The following SULT2B1 variants were observed in gnomAD, a reference collection of about 807,000 sequenced individuals.
The protein encoded by SULT2B1 is sulfotransferase 2B1.
SULT2B1 carries 16 observed loss-of-function variants against 33.2 expected under a neutral mutation model. That is an observed-to-expected ratio of 0.48 (90% confidence interval 0.33 to 0.73). SULT2B1 has a LOEUF of 0.73. Among genes scored for constraint, SULT2B1 ranks in the 30% least tolerant of loss-of-function variants. The probability of loss-of-function intolerance (pLI) is 0.02; values close to 1 mark genes in which losing one functional copy is unlikely to be tolerated. For synonymous variants in SULT2B1, 186 were observed against 200.5 expected, an observed-to-expected ratio of 0.93 and a Z score of 0.61; for missense variants, 500 against 506.0, an observed-to-expected ratio of 0.99 and a Z score of 0.11.
intron 3 of SULT2B1, among the ~76,000 whole-genome samples, chr19:48,590,330 G>A (rs1435581117): frequency 1.3e-5 from 2 of 152,118 alleles, no homozygotes; most frequent in African/African-American, 4.8e-5. Flanking sequence ...GGCTGGGCAT[G>A]GTGGCTCATG....
chr19:48,562,939 C>T (rs1351971302), intron 1 of SULT2B1, among the ~76,000 whole-genome samples: 1 of 152,096 alleles, frequency 6.6e-6, no homozygotes, highest in Admixed American at 6.6e-5. Flanking sequence ...CTTGGCCTCC[C>T]AAAGTGCTGG....
At chr19:48,591,872 A>G (rs1276765969) in intron 4 of SULT2B1, 137 bp downstream of exon 4, 1 of 1,025,016 alleles carries the variant, frequency 9.8e-7, no homozygotes, top group South Asian at 1.8e-5. Context: ...AGAGACAGAG[A>G]GCAGGTGGCC....
At chr19:48,555,225 G>A (rs1302322130) in intron 1 of SULT2B1, among the ~76,000 whole-genome samples, 2 of 152,032 alleles carry the variant, frequency 1.3e-5, no homozygotes, top group East Asian at 3.9e-4. Flanking sequence ...CCAAGTAGCT[G>A]GGATTACAGG....
At chr19:48,563,959 CA>C (rs35211958) in intron 1 of SULT2B1, among the ~76,000 whole-genome samples, 47,062 of 117,132 alleles carry the variant, frequency 0.4, 7,792 homozygotes, top group Middle Eastern at 0.52. Flanking sequence ...GACTTCCTCT[CA>C]AAAAAAAAAA....
chr19:48,580,903 G>T (rs778012884), intron 2 of SULT2B1, among the ~76,000 whole-genome samples: 9 of 147,906 alleles, frequency 6.1e-5, no homozygotes, highest in Non-Finnish European at 9.0e-5. Context: ...TGCCTGGCCA[G>T]TTTTTTTCTA....
chr19:48,573,111 C>T (rs1482381226), intron 1 of SULT2B1, among the ~76,000 whole-genome samples: 3 of 148,626 alleles, frequency 2.0e-5, no homozygotes, highest in Admixed American at 6.8e-5. Flanking sequence ...GAGCCGAGAT[C>T]GTGTCACTGT....
chr19:48,565,335 G>GGT (rs1235852787), intron 1 of SULT2B1, among the ~76,000 whole-genome samples: 3 of 150,936 alleles, frequency 2.0e-5, no homozygotes, highest in East Asian at 2.0e-4. Flanking sequence ...TTTATGGGGG[G>GGT]GTGTGTGTGT....
intron 1 of SULT2B1, among the ~76,000 whole-genome samples, chr19:48,570,324 C>T (rs554525923): frequency 1.5e-4 from 23 of 152,066 alleles, no homozygotes; most frequent in Admixed American, 7.9e-4. Context: ...GGATTACAGG[C>T]GTGCACCACC....
At position 48,576,062 on chromosome 19, in the gene SULT2B1, A is replaced by G; in HGVS notation, c.193A>G (p.Ile65Val). Residue 65 changes from isoleucine (I) to valine (V), a missense_variant, in exon 2 of 7, where the codon ATC becomes GTC. Ile to Val is a conservative substitution (Grantham distance 29). Coordinates refer to ENST00000201586, the MANE Select transcript of SULT2B1 (RefSeq NM_177973.2). ...AGATGTGCGGGACGACGACATCTTT[A>G]TCATCACCTACCCCAAGTCAGGTAC... ...TQDVRDDDIF[I>V]ITYPKSGTTW... The G allele has an allele frequency of 6.2e-7, 1 of 1,612,540 alleles. No individual in the cohort carries two copies. The highest frequency in any genetic ancestry group is 1.1e-5 in the South Asian group (1 of 91,052).
rs747240346 is a variant in SULT2B1 at position 48,592,786 on chromosome 19, C to T, written c.615C>T (p.Phe205=). 6.3e-7 allele frequency: 1 copy of T among 1,588,420 alleles called. No homozygotes were observed. The highest frequency in any genetic ancestry group is 1.1e-5 in the South Asian group (1 of 87,190). Residue 205 remains phenylalanine, a synonymous_variant, in exon 5 of 7, where the codon TTC becomes TTT. Transcript: ENST00000201586. ...GWLRMKGKDN[F]LFITYEELQQ... Reference sequence around the variant, plus strand: ...TTCGGATGAAGGGCAAAGACAACTTCCTATTTATCACCTACGAGGAGCTGC... The same window carrying T: ...TTCGGATGAAGGGCAAAGACAACTTTCTATTTATCACCTACGAGGAGCTGC...
chr19:48,557,987 G>A (rs148938170), intron 1 of SULT2B1, among the ~76,000 whole-genome samples: 3 of 152,076 alleles, frequency 2.0e-5, no homozygotes, highest in Non-Finnish European at 4.4e-5. Flanking sequence ...TGGCACAGGC[G>A]GTAGGCAGGA....
intron 1 of SULT2B1, among the ~76,000 whole-genome samples, chr19:48,570,969 C>A (rs540174698): frequency 4.0e-4 from 60 of 151,896 alleles, no homozygotes; most frequent in Non-Finnish European, 7.1e-4. Context: ...GGTGATCCGC[C>A]CACCTCAGCC....
intron 2 of SULT2B1, among the ~76,000 whole-genome samples, chr19:48,576,523 G>A (rs1973413388): frequency 6.7e-6 from 1 of 149,898 alleles, no homozygotes; most frequent in South Asian, 2.1e-4. Flanking sequence ...TTCGAGACAA[G>A]GTCTTGCTCT....
chr19:48,557,092 T>A (rs1479967768), intron 1 of SULT2B1, among the ~76,000 whole-genome samples: 2 of 150,938 alleles, frequency 1.3e-5, no homozygotes, highest in African/African-American at 2.4e-5. Flanking sequence ...TCTAAAAAAA[T>A]AAAATAAAAA....
At chr19:48,590,590 A>G (rs111654006) in intron 3 of SULT2B1, among the ~76,000 whole-genome samples, 2,899 of 152,176 alleles carry the variant, frequency 0.019, 104 homozygotes, top group African/African-American at 0.066. Flanking sequence ...AGACACAGCG[A>G]GACTTCGTCT....
In SULT2B1 at chr19:48,552,181, C is replaced by T. The variant is rs1485630896; in HGVS notation, c.-72C>T. 6.5e-5 allele frequency: 96 copies of T among 1,484,622 alleles called. No homozygotes were observed. Among genetic ancestry groups the T allele is most frequent in the Non-Finnish European group, 8.2e-5 (88 of 1,074,050 alleles). 92.0% of individuals were successfully genotyped at this position (1,484,622 alleles called of 1,614,324 possible). ...GGGCTCCCCAGGTGGCAGACGCTGT[C>T]GCTGCGCACACCTGGCCTCTGTGCC... On this transcript the variant is annotated 5_prime_UTR_variant, in exon 1 of 7. Transcript: ENST00000201586. This position sits in a 1 kb window ranked among gnomAD's most constrained non-coding sequence, Gnocchi z 4.8.
chr19:48,558,308 G>A (rs551502797), intron 1 of SULT2B1, among the ~76,000 whole-genome samples: 194 of 151,216 alleles, frequency 1.3e-3, no homozygotes, highest in Middle Eastern at 6.8e-3. Context: ...CGAGATCCGG[G>A]AGGGAGACTC....
chr19:48,592,517 C>A (rs142928586), intron 4 of SULT2B1, among the ~76,000 whole-genome samples: 1 of 152,068 alleles, frequency 6.6e-6, no homozygotes, highest in Non-Finnish European at 1.5e-5. Context: ...TAGACAAAGG[C>A]CCCCCAAGAT....
At chr19:48,561,882 A>T (rs1353011032) in intron 1 of SULT2B1, among the ~76,000 whole-genome samples, 1 of 152,186 alleles carries the variant, frequency 6.6e-6, no homozygotes, top group East Asian at 1.9e-4. Flanking sequence ...TGGGAGGCTG[A>T]GGCAGGTGGA....
Sources: allele counts gnomAD v4.1 joint callset (sites outside exome capture counted in the v4.1 genomes callset), GRCh38; gene constraint gnomAD v4.1.1; non-coding constraint Gnocchi (gnomAD v3.1); transcripts MANE v1.5; gene names NCBI Gene and HGNC (gene_info 2026-07-23, HGNC 2026-07-21).